TMEM161B: variants seen among roughly 807,000 people sequenced by gnomAD.
The protein encoded by TMEM161B is transmembrane protein 161B.
TMEM161B carries 34 observed loss-of-function variants against 61.8 expected under a neutral mutation model. The observed-to-expected ratio is 0.55, with a 90% CI of 0.42 to 0.73. The LOEUF is 0.73. Ranked by LOEUF, TMEM161B falls within the 30% of genes least tolerant of loss-of-function variation. The pLI is 0.00. For synonymous variants in TMEM161B, 167 were observed against 192.8 expected (o/e 0.87, Z 1.11); for missense variants, 456 against 558.5 (o/e 0.82, Z 1.85).
chr5:88,238,858 T>C (rs564987003), intron 2 of TMEM161B, among the ~76,000 whole-genome samples: 3 of 151,952 alleles, frequency 2.0e-5, no homozygotes, highest in South Asian at 2.1e-4. Context: ...TTAAAAAAGG[T>C]AGATAATCTT....
chr5:88,245,382 C>T (rs1334703832), intron 1 of TMEM161B, among the ~76,000 whole-genome samples: 4 of 151,864 alleles, frequency 2.6e-5, no homozygotes, highest in African/African-American at 4.8e-5. Flanking sequence ...TCAGGCAGAA[C>T]AAGACCAAGA....
intron 1 of TMEM161B, 25 bp downstream of exon 1, chr5:88,268,696 C>A: frequency 1.2e-6 from 2 of 1,614,156 alleles, no homozygotes; most frequent in Non-Finnish European, 1.7e-6. Flanking sequence ...ACCGTTGTCA[C>A]TCCTGCCCTC....
intron 1 of TMEM161B, among the ~76,000 whole-genome samples, chr5:88,255,446 A>G (rs1754856946): frequency 6.6e-6 from 1 of 152,224 alleles, no homozygotes; most frequent in Non-Finnish European, 1.5e-5. Flanking sequence ...AATTTGGTAG[A>G]AAAGCAGCTA....
At chr5:88,208,125 G>A (rs1040728630) in intron 5 of TMEM161B, among the ~76,000 whole-genome samples, 21 of 152,268 alleles carry the variant, frequency 1.4e-4, no homozygotes, top group African/African-American at 4.8e-4. Flanking sequence ...CTAAGCCGGC[G>A]GATCACCTGA....
chr5:88,190,123 A>C (rs1580271204), downstream of TMEM161B: 1 of 700,932 alleles, frequency 1.4e-6, no homozygotes, highest in Middle Eastern at 3.7e-4. Context: ...CACCCAGAGA[A>C]GGTACACACA....
intron 1 of TMEM161B, among the ~76,000 whole-genome samples, chr5:88,260,554 T>G (rs1755552224): frequency 6.6e-6 from 1 of 152,144 alleles, no homozygotes; most frequent in African/African-American, 2.4e-5. Flanking sequence ...TGGGCTCAAG[T>G]GATCTACCCA....
chr5:88,196,616 A>ACTGTGCC, intron 11 of TMEM161B, 128 bp from the exon 12 acceptor site: 2 of 946,940 alleles, frequency 2.1e-6, no homozygotes, highest in East Asian at 5.7e-5. Context: ...TTTATGTTAA[A>ACTGTGCC]AATAAAGTAA....
In TMEM161B at chr5:88,263,308, G is replaced by C. The variant is rs574634490; in HGVS notation, c.3+5413C>G. ...ACATATTACATGCCCATTTCATCAT[G>C]AGATCATCAGCCTCTCCCAATAAAT... On this transcript the variant is annotated intron_variant, in intron 1 of 11. Transcript: ENST00000296595. Among the ~76,000 whole-genome samples, 9 of 152,156 alleles carry C rather than the reference G, an allele frequency of 5.9e-5. No individual in the cohort carries two copies. The East Asian group carries it at 1.7e-3, about 29-fold the overall frequency.
At chr5:88,265,746 AAAAAGAAAAC>A in intron 1 of TMEM161B, among the ~76,000 whole-genome samples, 2 of 152,264 alleles carry the variant, frequency 1.3e-5, no homozygotes, top group African/African-American at 4.8e-5. Context: ...CACTCCCCTC[AAAAAGAAAAC>A]TTTTCATCAA....
chr5:88,196,633 A>G, intron 11 of TMEM161B, 145 bp from the exon 12 acceptor site: 2 of 943,434 alleles, frequency 2.1e-6, no homozygotes, highest in Non-Finnish European at 3.0e-6. Flanking sequence ...GTAAAATAAT[A>G]ATCCTTCTAG....
In TMEM161B at chr5:88,240,021, C is replaced by G. The variant is rs116125322; in HGVS notation, c.107+792G>C. On this transcript the variant is annotated intron_variant, in intron 2 of 11. Coordinates refer to ENST00000296595, the MANE Select transcript of TMEM161B (RefSeq NM_153354.5). ...CTACACAGGATTTTGGCATGTATTT[C>G]TGTGTGCAGACTTTCCTTGATTTCT... is the stretch of plus-strand genomic sequence containing the variant. Among the ~76,000 whole-genome samples the G allele has an allele frequency of 3.8e-3, 576 of 152,010 alleles. 5 individuals are homozygous for G. Among genetic ancestry groups the G allele is most frequent in the African/African-American group, 0.013 (536 of 41,534 alleles).
chr5:88,235,032 T>A (rs1185710385), intron 2 of TMEM161B, among the ~76,000 whole-genome samples: 2 of 152,222 alleles, frequency 1.3e-5, no homozygotes. Context: ...ATAAAGCCAA[T>A]CTGATACTGT....
At chr5:88,257,026 A>T (rs1755070335) in intron 1 of TMEM161B, among the ~76,000 whole-genome samples, 1 of 152,168 alleles carries the variant, frequency 6.6e-6, no homozygotes, top group Non-Finnish European at 1.5e-5. Flanking sequence ...CTGTAATCTC[A>T]GGGCTTTGGA....
At chr5:88,194,350 AT>A (rs1463408689), downstream of TMEM161B, among the ~76,000 whole-genome samples, 5 of 152,110 alleles carry the variant, frequency 3.3e-5, no homozygotes, top group African/African-American at 1.2e-4. Context: ...GCTGCATGGT[AT>A]TCTATGGTGT....
chr5:88,246,264 G>C (rs1286893104), intron 1 of TMEM161B, among the ~76,000 whole-genome samples: 1 of 150,950 alleles, frequency 6.6e-6, no homozygotes, highest in Non-Finnish European at 1.5e-5. Context: ...GCTCTTAGGT[G>C]ACTAAATATG....
At chr5:88,248,930 C>T (rs1362476310) in intron 1 of TMEM161B, among the ~76,000 whole-genome samples, 4 of 151,928 alleles carry the variant, frequency 2.6e-5, no homozygotes, top group Non-Finnish European at 2.9e-5. Context: ...TTTAAGCCTT[C>T]TTTTTTTTCC....
intron 1 of TMEM161B, among the ~76,000 whole-genome samples, chr5:88,264,152 T>G (rs947055915): frequency 7.0e-6 from 1 of 143,862 alleles, no homozygotes; most frequent in Admixed American, 6.9e-5. Flanking sequence ...AGTAAGGATT[T>G]AAAAAAAAAA....
intron 11 of TMEM161B, among the ~76,000 whole-genome samples, chr5:88,197,288 G>C (rs974311747): frequency 8.5e-5 from 13 of 152,086 alleles, no homozygotes; most frequent in African/African-American, 2.7e-4. Flanking sequence ...ACTTACCATA[G>C]CATTCTGTAA....
chr5:88,219,443 G>C (rs2112515494), intron 5 of TMEM161B, among the ~76,000 whole-genome samples: 1 of 152,160 alleles, frequency 6.6e-6, no homozygotes, highest in South Asian at 2.1e-4. Context: ...TGGAAATAGA[G>C]AAAAGAGTAG....
Sources: allele counts gnomAD v4.1 joint callset (sites outside exome capture counted in the v4.1 genomes callset), GRCh38; gene constraint gnomAD v4.1.1; transcripts MANE v1.5; gene names NCBI Gene and HGNC (gene_info 2026-07-23, HGNC 2026-07-21).